PWP1: variants seen among roughly 807,000 people sequenced by gnomAD.
PWP1 encodes periodic tryptophan protein 1 homolog.
PWP1 carries 47 observed loss-of-function variants against 69.9 expected under a neutral mutation model. The ratio of observed to expected loss-of-function variants is 0.67; its 90% CI spans 0.53 to 0.86. The LOEUF is 0.86. Among genes scored for constraint, PWP1 ranks in the 40% least tolerant of loss-of-function variants. The pLI is 0.00. For synonymous variants in PWP1, 222 were observed against 208.2 expected (o/e 1.07, Z -0.57); for missense variants, 551 against 608.8 (o/e 0.91, Z 1.00).
chr12:107,709,300 G>C, intron 13 of PWP1, 68 bp downstream of exon 13: 1 of 1,548,094 alleles, frequency 6.5e-7, no homozygotes, highest in East Asian at 2.3e-5. Context: ...TCTGGAACTT[G>C]TGTTGCGTGT....
intron 7 of PWP1, 43 bp downstream of exon 7, chr12:107,697,640 A>C: frequency 6.4e-7 from 1 of 1,569,628 alleles, no homozygotes; most frequent in Non-Finnish European, 8.7e-7. Context: ...GACAGAGGTA[A>C]GTTTACTCGG....
In PWP1 at chr12:107,699,379, T is replaced by A. The variant is rs922057963; in HGVS notation, c.751T>A (p.Ser251Thr). Reference protein sequence around the residue: ...KKKKKGKKSSSAEGHTDAVLD... With the variant: ...KKKKKGKKSSTAEGHTDAVLD... Reference sequence around the variant, plus strand: ...ATTAAAACAATTATTACAGAGTTCCTCAGCAGAAGGGCATACCGATGCTGT... The same window carrying A: ...ATTAAAACAATTATTACAGAGTTCCACAGCAGAAGGGCATACCGATGCTGT... The change falls in exon 8 of 15, where the codon TCA becomes ACA. Residue 251 changes from serine (S) to threonine (T), a missense_variant. Transcript: ENST00000412830. 33 of 1,611,896 alleles carry A rather than the reference T, an allele frequency of 2.0e-5. No homozygotes were observed. Among genetic ancestry groups the A allele is most frequent in the Non-Finnish European group, 2.7e-5 (32 of 1,178,470 alleles).
At chr12:107,710,960 C>T (rs1889940155) in intron 14 of PWP1, among the ~76,000 whole-genome samples, 1 of 152,080 alleles carries the variant, frequency 6.6e-6, no homozygotes, top group Admixed American at 6.6e-5. Flanking sequence ...CCCAGTGGCG[C>T]TAGAGGAATT....
chr12:107,694,023 C>T (rs950576536), intron 5 of PWP1, among the ~76,000 whole-genome samples: 2 of 152,174 alleles, frequency 1.3e-5, no homozygotes, highest in East Asian at 3.8e-4. Flanking sequence ...GAAGCGGATG[C>T]TTTGCAGTAA....
chr12:107,692,091 G>T (rs1423186394), intron 3 of PWP1, among the ~76,000 whole-genome samples: 1 of 152,168 alleles, frequency 6.6e-6, no homozygotes, highest in Non-Finnish European at 1.5e-5. Context: ...ACCCAGCCTG[G>T]AGAGATGGCA....
intron 7 of PWP1, 122 bp from the exon 8 acceptor site, chr12:107,699,251 T>C: frequency 1.3e-6 from 1 of 755,918 alleles, no homozygotes; most frequent in Non-Finnish European, 2.2e-6. Context: ...AGACAAAGAC[T>C]CCGTCTCAAA....
At chr12:107,708,225 A>G (rs1228149606) in intron 11 of PWP1, among the ~76,000 whole-genome samples, 5 of 152,206 alleles carry the variant, frequency 3.3e-5, no homozygotes, top group African/African-American at 1.2e-4. Context: ...GAGAGGTTAA[A>G]GTAGATGAAA....
At chr12:107,688,842 C>T in intron 3 of PWP1, 40 bp downstream of exon 3, 2 of 1,565,702 alleles carry the variant, frequency 1.3e-6, no homozygotes, top group Non-Finnish European at 1.7e-6. Flanking sequence ...ATTACAAGCT[C>T]AATATGTTGG....
At chr12:107,699,273 C>A in intron 7 of PWP1, 100 bp from the exon 8 acceptor site, 1 of 972,540 alleles carries the variant, frequency 1.0e-6, no homozygotes, top group Non-Finnish European at 1.6e-6. Flanking sequence ...CAAAACAAAA[C>A]AAAATAATCT....
chr12:107,704,900 T>A (rs1330989818), intron 11 of PWP1, among the ~76,000 whole-genome samples, 153 bp downstream of exon 11: 1 of 152,192 alleles, frequency 6.6e-6, no homozygotes, highest in East Asian at 1.9e-4. Flanking sequence ...TTTTTTTAAA[T>A]AAGAGAACGG....
chr12:107,692,903 AG>A lies in PWP1; in HGVS notation c.405+5del, dbSNP rs1889509485. The stretch of plus-strand genomic sequence containing the variant: ...TTACGTTACTCTGAAAGATACAGTA[AG>A]TATTTACATCTTTTTTCTAATTATG... On this transcript the variant is annotated splice_donor_5th_base_variant and intron_variant, in intron 4 of 14. Transcript: ENST00000412830. The A allele has an allele frequency of 6.2e-7, 1 of 1,613,520 alleles. No homozygotes were observed. The highest frequency in any genetic ancestry group is 1.7e-5 in the Admixed American group (1 of 59,956).
chr12:107,709,047 C>G, intron 12 of PWP1, 31 bp downstream of exon 12: 1 of 1,613,176 alleles, frequency 6.2e-7, no homozygotes, highest in Non-Finnish European at 8.5e-7. Flanking sequence ...TTTCATTTTT[C>G]TTAACTTATG....
chr12:107,693,161 A>G (rs951218317), intron 5 of PWP1, 65 bp downstream of exon 5: 2 of 1,531,022 alleles, frequency 1.3e-6, no homozygotes, highest in African/African-American at 1.4e-5. Flanking sequence ...TGAAATAGTT[A>G]CCATTTCATT....
chr12:107,703,874 ACTT>A (rs763383975), intron 10 of PWP1, 128 bp downstream of exon 10: 4 of 817,046 alleles, frequency 4.9e-6, no homozygotes, highest in Non-Finnish European at 8.0e-6. Flanking sequence ...TATTTGCACT[ACTT>A]ATTTTTCCTT....
At chr12:107,689,968 C>T (rs1889448987) in intron 3 of PWP1, among the ~76,000 whole-genome samples, 1 of 152,246 alleles carries the variant, frequency 6.6e-6, no homozygotes, top group Middle Eastern at 3.4e-3. Flanking sequence ...GGCACTAACT[C>T]CTAATCTTGG....
chr12:107,711,573 G>C (rs1001637516), intron 14 of PWP1, among the ~76,000 whole-genome samples: 1 of 152,032 alleles, frequency 6.6e-6, no homozygotes, highest in Non-Finnish European at 1.5e-5. Flanking sequence ...TTCCGGAAGG[G>C]GCCACTCCTC....
At chr12:107,710,719 G>C (rs1332017100) in intron 14 of PWP1, among the ~76,000 whole-genome samples, 1 of 152,156 alleles carries the variant, frequency 6.6e-6, no homozygotes, top group East Asian at 1.9e-4. Flanking sequence ...TGTAAGGACT[G>C]ACACAGAATG....
At chr12:107,700,366 T>C (rs1159295883) in intron 8 of PWP1, among the ~76,000 whole-genome samples, 2 of 152,072 alleles carry the variant, frequency 1.3e-5, no homozygotes, top group African/African-American at 4.8e-5. Context: ...CCCCCAGCCC[T>C]GGCAACCACC....
In PWP1 at chr12:107,712,120, C is replaced by T. The variant is rs1185810268; in HGVS notation, c.1406C>T (p.Ala469Val). The T allele has an allele frequency of 6.2e-7, 1 of 1,613,180 alleles. No individual in the cohort carries two copies. Among genetic ancestry groups the T allele is most frequent in the South Asian group, 1.1e-5 (1 of 91,044 alleles). ...TTTATTTGTATTTTAGTAAATGAAG[C>T]ATTTGGAAGACGAGAGAGGCTTGTT... is the stretch of plus-strand genomic sequence containing the variant. Reference protein sequence around the residue: ...DISTVSSVNEAFGRRERLVLG... With the variant: ...DISTVSSVNEVFGRRERLVLG... The change falls in exon 15 of 15, where the codon GCA becomes GTA. Residue 469 changes from alanine (A) to valine (V), a missense_variant. Physicochemically the swap from Ala to Val is moderately conservative, Grantham distance 64. Coordinates refer to ENST00000412830, the MANE Select transcript of PWP1 (RefSeq NM_007062.3).
Sources: allele counts gnomAD v4.1 joint callset (sites outside exome capture counted in the v4.1 genomes callset), GRCh38; gene constraint gnomAD v4.1.1; transcripts MANE v1.5; gene names NCBI Gene and HGNC (gene_info 2026-07-23, HGNC 2026-07-21).